MEGF11: variants seen among roughly 807,000 people sequenced by gnomAD.
MEGF11 encodes the protein multiple epidermal growth factor-like domains protein 11.
Under a neutral mutation model 146.6 loss-of-function variants are expected in MEGF11, and 126 were observed. The observed-to-expected ratio is 0.86, with a 90% confidence interval of 0.74 to 1.00. MEGF11 has a LOEUF of 1.00. Among genes scored for constraint, MEGF11 ranks in the 50% least tolerant of loss-of-function variants. MEGF11 has a pLI of 0.00. For missense variants in MEGF11, 1,509 were observed against 1,521.2 expected (o/e 0.99, Z 0.13); for synonymous variants, 532 against 583.4 (o/e 0.91, Z 1.27).
At chr15:66,119,735 T>G (rs2087926426) in intron 3 of MEGF11, among the ~76,000 whole-genome samples, 1 of 151,818 alleles carries the variant, frequency 6.6e-6, no homozygotes, top group South Asian at 2.1e-4. Flanking sequence ...AAATAACACC[T>G]CCGGGAGAGG....
At chr15:66,188,429 C>T (rs1038233285) in intron 1 of MEGF11, among the ~76,000 whole-genome samples, 4 of 152,132 alleles carry the variant, frequency 2.6e-5, no homozygotes, top group East Asian at 3.8e-4. Context: ...ACAGCCCTCT[C>T]TATGTCTGCC....
intron 1 of MEGF11, among the ~76,000 whole-genome samples, chr15:66,154,454 C>T (rs1363837630): frequency 6.6e-6 from 1 of 152,182 alleles, no homozygotes; most frequent in Non-Finnish European, 1.5e-5. Context: ...GAAGGAAAAA[C>T]CCGGGGGCTC....
intron 5 of MEGF11, among the ~76,000 whole-genome samples, chr15:66,090,466 T>C (rs2086275417): frequency 1.3e-5 from 2 of 152,256 alleles, no homozygotes; most frequent in South Asian, 2.1e-4. Context: ...TGAAACCGAT[T>C]TGAGGTTATA....
intron 1 of MEGF11, among the ~76,000 whole-genome samples, chr15:66,184,114 G>A (rs1352216891): frequency 2.0e-5 from 3 of 152,094 alleles, no homozygotes; most frequent in Admixed American, 1.3e-4. Flanking sequence ...AAACTCTTGG[G>A]GGTGATGGAT....
intron 23 of MEGF11, 89 bp downstream of exon 23, chr15:65,908,945 G>A: frequency 1.3e-6 from 1 of 774,410 alleles, no homozygotes. Flanking sequence ...GGGACCACAG[G>A]GTGGGGGTCA....
At chr15:66,006,254 G>C (rs981373362) in intron 5 of MEGF11, among the ~76,000 whole-genome samples, 31 of 152,282 alleles carry the variant, frequency 2.0e-4, no homozygotes, top group African/African-American at 7.5e-4. Flanking sequence ...TTCTAACACA[G>C]GGTCTCTAGA....
intron 10 of MEGF11, among the ~76,000 whole-genome samples, chr15:65,946,056 T>C (rs2080179792): frequency 6.6e-6 from 1 of 152,212 alleles, no homozygotes; most frequent in African/African-American, 2.4e-5. Flanking sequence ...AATAAGTTAA[T>C]ATATGTAATG....
intron 5 of MEGF11, among the ~76,000 whole-genome samples, chr15:65,996,801 A>G (rs1596969725): frequency 6.6e-6 from 1 of 152,170 alleles, no homozygotes; most frequent in Middle Eastern, 3.2e-3. Context: ...GAGCTTCCAC[A>G]GCACCTCTAT....
chr15:66,246,516 A>G (rs976347365), intron 1 of MEGF11, among the ~76,000 whole-genome samples: 5 of 152,034 alleles, frequency 3.3e-5, no homozygotes, highest in African/African-American at 9.7e-5. Flanking sequence ...AATAATAATA[A>G]TATCTGCCCA....
chr15:66,014,574 C>T (rs8024017), intron 5 of MEGF11, among the ~76,000 whole-genome samples: 23 of 152,248 alleles, frequency 1.5e-4, no homozygotes, highest in African/African-American at 5.1e-4. Context: ...CACGAAAAAC[C>T]GCTTTGAGAT....
At chr15:66,047,893 G>A (rs996274330) in intron 5 of MEGF11, among the ~76,000 whole-genome samples, 4 of 152,060 alleles carry the variant, frequency 2.6e-5, no homozygotes, top group Non-Finnish European at 5.9e-5. Context: ...GTCACACTGG[G>A]CCTCGGGTGG....
chr15:66,139,059 C>T (rs1031616081), intron 1 of MEGF11, among the ~76,000 whole-genome samples: 5 of 152,226 alleles, frequency 3.3e-5, no homozygotes, highest in African/African-American at 1.2e-4. Flanking sequence ...TGCTGACTTG[C>T]AGTCTAAGCT....
chr15:66,141,287 T>TGAGAGAGA (rs1339943663), intron 1 of MEGF11, among the ~76,000 whole-genome samples: 29 of 98,896 alleles, frequency 2.9e-4, no homozygotes, highest in East Asian at 2.3e-3. Context: ...TGTGTGTGTG[T>TGAGAGAGA]GTGAGAGAGA....
At chr15:66,000,629 T>A (rs2141831214) in intron 5 of MEGF11, among the ~76,000 whole-genome samples, 1 of 152,318 alleles carries the variant, frequency 6.6e-6, no homozygotes, top group African/African-American at 2.4e-5. Flanking sequence ...GTCTGATGTG[T>A]ATCAGGGGTT....
chr15:66,158,492 A>G (rs1212731776), intron 1 of MEGF11, among the ~76,000 whole-genome samples: 1 of 152,214 alleles, frequency 6.6e-6, no homozygotes, highest in East Asian at 1.9e-4. Context: ...GGTCCCAGAA[A>G]TGCCTGCTTG....
At chr15:66,235,603 C>G (rs751592003) in intron 1 of MEGF11, among the ~76,000 whole-genome samples, 1 of 152,126 alleles carries the variant, frequency 6.6e-6, no homozygotes, top group South Asian at 2.1e-4. Flanking sequence ...TACCCAGGAT[C>G]ATCCTCGTTT....
intron 24 of MEGF11, chr15:65,905,786 T>C: frequency 3.5e-6 from 1 of 289,212 alleles, no homozygotes; most frequent in Non-Finnish European, 6.4e-6. Context: ...TAACTCGTAC[T>C]AATTGGTTGG....
At chr15:65,929,604 G>T in intron 12 of MEGF11, 116 bp downstream of exon 12, 2 of 1,242,724 alleles carry the variant, frequency 1.6e-6, no homozygotes, top group Non-Finnish European at 2.2e-6. Flanking sequence ...AAATCCAAGT[G>T]TCCCATCACC....
At chr15:66,231,108 C>T (rs1212820376) in intron 1 of MEGF11, among the ~76,000 whole-genome samples, 1 of 152,142 alleles carries the variant, frequency 6.6e-6, no homozygotes, top group East Asian at 1.9e-4. Context: ...CCATTTCCTG[C>T]AGACTTTTTG....
Sources: gnomAD v4.1 joint callset for allele counts (sites outside exome capture counted in the v4.1 genomes callset) on GRCh38, gnomAD v4.1.1 for gene constraint, MANE v1.5 for transcripts, NCBI Gene and HGNC (gene_info 2026-07-23, HGNC 2026-07-21) for gene names.